Variants in TRMT11 observed in about 807,000 individuals in gnomAD.
The protein encoded by TRMT11 is tRNA methyltransferase 11.
Under a neutral mutation model 62.8 loss-of-function variants are expected in TRMT11, and 53 were observed. That is an observed-to-expected ratio of 0.84 (90% CI 0.68 to 1.06). The LOEUF (loss-of-function observed/expected upper bound fraction) is 1.06, where lower values mean the gene tolerates loss of function less well. Ranked by LOEUF, TRMT11 falls within the 50% of genes least tolerant of loss-of-function variation. The pLI is 0.00. For missense variants in TRMT11, 556 were observed against 553.4 expected (o/e 1.00, Z -0.05); for synonymous variants, 188 against 190.3 (o/e 0.99, Z 0.10).
chr6:126,113,485 C>G (rs1264853561), intron 18 of TRMT11, among the ~76,000 whole-genome samples: 1 of 152,060 alleles, frequency 6.6e-6, no homozygotes, highest in Non-Finnish European at 1.5e-5. Context: ...GATACTTGTA[C>G]TTTAGCATAT....
chr6:126,008,578 C>T, intron 8 of TRMT11, 106 bp downstream of exon 8: 3 of 920,158 alleles, frequency 3.3e-6, no homozygotes, highest in East Asian at 4.8e-5. Flanking sequence ...TGCACAGGTC[C>T]ACTTATACTC....
At chr6:126,010,203 C>T (rs899572358) in intron 8 of TRMT11, among the ~76,000 whole-genome samples, 12 of 151,918 alleles carry the variant, frequency 7.9e-5, no homozygotes, top group Non-Finnish European at 1.3e-4. Flanking sequence ...CTGTTGAAAA[C>T]GCTAACAAAG....
At chr6:126,033,436 G>T (rs1346176820) in intron 12 of TRMT11, among the ~76,000 whole-genome samples, 2 of 152,056 alleles carry the variant, frequency 1.3e-5, no homozygotes, top group African/African-American at 2.4e-5. Context: ...CTGTATTTTT[G>T]ATATATAGTT....
intron 12 of TRMT11, among the ~76,000 whole-genome samples, chr6:126,033,221 A>G (rs1338998114): frequency 6.6e-6 from 1 of 152,124 alleles, no homozygotes; most frequent in African/African-American, 2.4e-5. Context: ...GCAGTTTATG[A>G]TGGTCAGTTT....
chr6:126,027,688 A>G (rs1773446009), intron 12 of TRMT11, among the ~76,000 whole-genome samples: 1 of 152,156 alleles, frequency 6.6e-6, no homozygotes, highest in South Asian at 2.1e-4. Flanking sequence ...AAAGAGGAAT[A>G]CTGGAAGGTC....
chr6:126,036,665 G>A lies in TRMT11; in HGVS notation c.1261-2040G>A, dbSNP rs1048204787. Among the ~76,000 whole-genome samples the A allele has an allele frequency of 3.9e-5, 6 of 152,190 alleles. No individual in the cohort carries two copies. In the East Asian group the frequency reaches 7.7e-4, roughly 20 times the overall value. On this transcript the variant is annotated intron_variant, in intron 12 of 12. Coordinates refer to ENST00000334379, the MANE Select transcript of TRMT11 (RefSeq NM_001031712.3). ...TGGACATAGCTTTAAAATAAAAACC[G>A]AAGAAAAACATTCTGCCAGGATTAA...
chr6:125,992,093 T>C (rs1321666422), intron 1 of TRMT11, among the ~76,000 whole-genome samples: 3 of 152,222 alleles, frequency 2.0e-5, no homozygotes, highest in Admixed American at 2.0e-4. Context: ...ACATTTTGTG[T>C]TTTGCTTTTT....
the TRMT11 span, among the ~76,000 whole-genome samples, chr6:126,246,028 C>T: frequency 6.6e-6 from 1 of 152,084 alleles, no homozygotes; most frequent in African/African-American, 2.4e-5. Flanking sequence ...AATTCTAACA[C>T]TTTGGGAGAC....
chr6:126,038,450 A>AG (rs1775591861), intron 12 of TRMT11, among the ~76,000 whole-genome samples: 1 of 150,452 alleles, frequency 6.6e-6, no homozygotes, highest in Admixed American at 6.6e-5. Context: ...AAAAAAAAAA[A>AG]AAAGAAAAAA....
chr6:126,024,528 C>T (rs905458359), intron 12 of TRMT11, among the ~76,000 whole-genome samples: 3 of 152,216 alleles, frequency 2.0e-5, no homozygotes, highest in South Asian at 2.1e-4. Flanking sequence ...CAGCCTTACC[C>T]GACTGTCTTC....
chr6:126,108,470 A>G (rs1258388803), intron 17 of TRMT11, among the ~76,000 whole-genome samples: 2 of 152,234 alleles, frequency 1.3e-5, no homozygotes, highest in Admixed American at 1.3e-4. Flanking sequence ...TGTATGTGCC[A>G]GGCACCTTAC....
chr6:126,092,512 C>T (rs1777288370), intron 17 of TRMT11, among the ~76,000 whole-genome samples: 1 of 152,156 alleles, frequency 6.6e-6, no homozygotes, highest in Non-Finnish European at 1.5e-5. Context: ...CAACAGGGCC[C>T]TCCCACAACA....
chr6:126,107,082 T>C (rs1406114938), intron 17 of TRMT11, among the ~76,000 whole-genome samples: 10 of 152,208 alleles, frequency 6.6e-5, no homozygotes, highest in Non-Finnish European at 1.0e-4. Context: ...ATCACTAATA[T>C]TATTAACAGA....
the TRMT11 span, among the ~76,000 whole-genome samples, chr6:126,236,370 C>A: frequency 6.6e-6 from 1 of 152,102 alleles, no homozygotes; most frequent in African/African-American, 2.4e-5. Context: ...TTAATTTTAT[C>A]TCTTTGTGTC....
intron 10 of TRMT11, 49 bp downstream of exon 10, chr6:126,012,901 T>C: frequency 6.2e-7 from 1 of 1,608,782 alleles, no homozygotes; most frequent in South Asian, 1.1e-5. Flanking sequence ...AAGAGGCATG[T>C]GGCTTCCCCG....
At chr6:126,102,548 CAA>C (rs1562323315) in intron 17 of TRMT11, among the ~76,000 whole-genome samples, 3 of 151,816 alleles carry the variant, frequency 2.0e-5, no homozygotes, top group Non-Finnish European at 4.4e-5. Context: ...CCTTTGTTCT[CAA>C]GTTGCCCAGT....
At chr6:126,049,595 A>G (rs537400663) in intron 16 of TRMT11, among the ~76,000 whole-genome samples, 15 of 152,226 alleles carry the variant, frequency 9.9e-5, no homozygotes, top group Admixed American at 5.2e-4. Context: ...AGTTCCATGC[A>G]TGGATTTAAA....
chr6:126,234,339 C>T, the TRMT11 span, among the ~76,000 whole-genome samples: 6 of 152,192 alleles, frequency 3.9e-5, no homozygotes, highest in East Asian at 1.9e-4. Context: ...AAAAATTTCT[C>T]ACTGCAAGGT....
intron 17 of TRMT11, among the ~76,000 whole-genome samples, chr6:126,070,924 A>G (rs978740321): frequency 1.3e-5 from 2 of 152,170 alleles, no homozygotes; most frequent in African/African-American, 4.8e-5. Context: ...CCCAGCCACT[A>G]CGCCATTCGC....
Sources: allele counts gnomAD v4.1 joint callset (sites outside exome capture counted in the v4.1 genomes callset), GRCh38; gene constraint gnomAD v4.1.1; transcripts MANE v1.5; gene names NCBI Gene and HGNC (gene_info 2026-07-23, HGNC 2026-07-21).